MGAM: variants seen among roughly 807,000 people sequenced by gnomAD.
MGAM encodes the protein alpha-1,4-glucosidase.
In MGAM, 253 loss-of-function variants were observed where a neutral mutation model predicts 358.8. That is an observed-to-expected ratio of 0.71 (90% confidence interval 0.64 to 0.78). The LOEUF (loss-of-function observed/expected upper bound fraction) is 0.78, where lower values mean the gene tolerates loss of function less well. Ranked by LOEUF, MGAM falls within the 30% of genes least tolerant of loss-of-function variation. MGAM has a pLI of 0.00. For synonymous variants in MGAM, 1,105 were observed against 1,227.1 expected, an observed-to-expected ratio of 0.90 and a Z score of 2.08; for missense variants, 3,080 against 3,432.6, an observed-to-expected ratio of 0.90 and a Z score of 2.57.
chr7:141,992,437 T>G (rs1803988140), upstream of MGAM, among the ~76,000 whole-genome samples: 1 of 152,170 alleles, frequency 6.6e-6, no homozygotes. Context: ...TAGTGATTTT[T>G]AAAGTTCTTT....
At position 142,074,355 on chromosome 7, in the gene MGAM, GA is replaced by G. The variant is rs1293443753; in HGVS notation, c.5275+187del. On this transcript the variant is annotated intron_variant, in intron 45 of 70. Transcript: ENST00000475668. ...AGTGGTGGACGAACTACTGACGAAAGAAAAATGCATTTGTATCTCTGACAGT... is the reference window on the plus strand; with the variant it reads ...AGTGGTGGACGAACTACTGACGAAAGAAAATGCATTTGTATCTCTGACAGT... Among the ~76,000 whole-genome samples, 3 of 146,036 alleles carry G rather than the reference GA, an allele frequency of 2.1e-5. 1 individual carries two copies. Among genetic ancestry groups the G allele is most frequent in the Non-Finnish European group, 3.1e-5 (2 of 64,512 alleles).
chr7:142,050,265 G>T lies in MGAM; in HGVS notation c.2618G>T (p.Cys873Phe). ...GTGGCCAATAAAGTGTATCTTTTAT[G>T]TGAGTTTTCTGTCACTCAAGTGAGT... ...DTVANKVYLL[C>F]EFSVTQNRLE... Residue 873 changes from cysteine (C) to phenylalanine (F), a missense_variant, in exon 23 of 71, where the codon TGT becomes TTT. Physicochemically the swap from Cys to Phe is radical, Grantham distance 205. Around this residue, in one of 5 missense-constraint regions of MGAM, gnomAD observed 1,816 missense variants for 1,840.5 expected, o/e 0.99. Coordinates refer to ENST00000475668, the MANE Select transcript of MGAM (RefSeq NM_001365693.1). 6.2e-7 allele frequency: 1 copy of T among 1,613,750 alleles called. No individual in the cohort carries two copies. Among genetic ancestry groups the T allele is most frequent in the Non-Finnish European group, 8.5e-7 (1 of 1,179,744 alleles).
intron 14 of MGAM, 82 bp downstream of exon 14, chr7:142,032,991 G>A: frequency 1.1e-6 from 1 of 920,058 alleles, no homozygotes; most frequent in Non-Finnish European, 1.6e-6. Flanking sequence ...GAAAAATCTG[G>A]CAAGGGAATT....
chr7:141,998,275 C>T (rs1469875083), intron 1 of MGAM, among the ~76,000 whole-genome samples: 1 of 152,102 alleles, frequency 6.6e-6, no homozygotes. Context: ...TTCTGGAATA[C>T]ATGTGCAGAA....
At chr7:142,051,976 T>A (rs116485342) in intron 24 of MGAM, among the ~76,000 whole-genome samples, 2,353 of 152,206 alleles carry the variant, frequency 0.015, 58 homozygotes, top group African/African-American at 0.054. Context: ...TAGGATGACA[T>A]CATGTGTCAT....
intron 57 of MGAM, among the ~76,000 whole-genome samples, chr7:142,089,159 G>A (rs1362425182): frequency 6.9e-6 from 1 of 145,728 alleles, no homozygotes; most frequent in East Asian, 2.0e-4. Flanking sequence ...AGAAGTTCTG[G>A]GTCATGGGCT....
intron 1 of MGAM, among the ~76,000 whole-genome samples, chr7:141,997,088 A>T (rs1403177889): frequency 1.3e-5 from 2 of 152,176 alleles, no homozygotes; most frequent in Non-Finnish European, 2.9e-5. Flanking sequence ...TTCTTTTCTG[A>T]CTGGTTACAG....
chr7:142,060,436 G>T, intron 34 of MGAM, 63 bp downstream of exon 34: 1 of 1,567,356 alleles, frequency 6.4e-7, no homozygotes, highest in South Asian at 1.1e-5. Flanking sequence ...GCTGTTCCTG[G>T]GATTGTGGAC....
rs377597523 is a variant in MGAM at position 142,065,632 on chromosome 7, C to A, written c.4653+10C>A. On this transcript the variant is annotated intron_variant, in intron 39 of 70. Transcript: ENST00000475668. ...CTTTGGCATATCCTATGTGAGTGTC[C>A]TTGGGATCCTCCTAAGCACCAAGAA... 1.2e-6 allele frequency: 2 copies of A among 1,613,280 alleles called. No individual in the cohort carries two copies. Among genetic ancestry groups the A allele is most frequent in the Non-Finnish European group, 1.7e-6 (2 of 1,179,754 alleles).
At chr7:142,044,055 A>G (rs186588350) in intron 21 of MGAM, among the ~76,000 whole-genome samples, 9 of 135,336 alleles carry the variant, frequency 6.7e-5, no homozygotes, top group African/African-American at 2.4e-4. Flanking sequence ...TATACATTAT[A>G]TACACATACG....
At position 142,045,848 on chromosome 7, in the gene MGAM, GTAATATATATATTATA is replaced by G. The variant is rs1563159580; in HGVS notation, c.2499-1934_2499-1919del. Among the ~76,000 whole-genome samples the G allele has an allele frequency of 1.6e-3, 181 of 115,402 alleles. 7 individuals are homozygous for G. The highest frequency in any genetic ancestry group is 6.4e-3 in the African/African-American group (178 of 27,634). 75.7% of individuals were successfully genotyped at this position (115,402 alleles called of 152,430 possible). A position where few individuals can be genotyped will look rare whatever the true frequency, so the allele number is the denominator to read the frequency against. On this transcript the variant is annotated intron_variant, in intron 21 of 70. Coordinates refer to ENST00000475668, the MANE Select transcript of MGAM (RefSeq NM_001365693.1). ...TATATATTATATATACATACAATAT[GTAATATATATATTATA>G]TATACATACAATATGTAATATATAT...
rs541968729 is a variant in MGAM at position 142,056,962 on chromosome 7, T to C, written c.3693+20T>C. The C allele has an allele frequency of 4.2e-5, 68 of 1,610,972 alleles. 2 individuals carry two copies. The South Asian group carries it at 7.0e-4, about 17-fold the overall frequency. On this transcript the variant is annotated intron_variant, in intron 30 of 70. Coordinates refer to ENST00000475668, the MANE Select transcript of MGAM (RefSeq NM_001365693.1). ...ACTGAGGTAGGGGGAAATCCAATTG[T>C]TTATCAAGTACTTACACAGCACATT...
chr7:141,986,703 CTATTA>C (rs1554446287), intron 2 of MGAM, among the ~76,000 whole-genome samples: 2 of 152,132 alleles, frequency 1.3e-5, no homozygotes, highest in South Asian at 2.1e-4. Context: ...CATTTGCATA[CTATTA>C]TATTATACTG....
intron 34 of MGAM, among the ~76,000 whole-genome samples, chr7:142,061,731 T>C (rs1391354489): frequency 1.3e-5 from 2 of 152,172 alleles, no homozygotes; most frequent in Admixed American, 1.3e-4. Context: ...TAATGTTCTA[T>C]AACAAACAAC....
rs1807049229 is a variant in MGAM at position 142,027,123 on chromosome 7, C to T, written c.991C>T (p.Leu331Phe). ...ATTTTTAACCTTTCAAGAGGTTGTC[C>T]TTCAGCCTGCGCCAGCCATCACTTA... ...LMNSNAMEVVLQPAPAITYRT... is the reference protein window; with the variant it reads ...LMNSNAMEVVFQPAPAITYRT... The change falls in exon 9 of 71, where the codon CTT (leucine) becomes TTT (phenylalanine). Residue 331 changes from leucine (L) to phenylalanine (F), a missense_variant. Leu to Phe is a conservative substitution (Grantham distance 22). This residue lies in a region of MGAM where 1,816 missense variants were observed against 1,840.5 expected (regional missense o/e 0.99). Coordinates refer to ENST00000475668, the MANE Select transcript of MGAM (RefSeq NM_001365693.1). The T allele has an allele frequency of 1.2e-6, 2 of 1,612,298 alleles. No homozygotes were observed. The highest frequency in any genetic ancestry group is 8.5e-7 in the Non-Finnish European group (1 of 1,178,672).
At chr7:142,040,284 G>A (rs1445129361) in intron 20 of MGAM, 113 bp downstream of exon 20, 10 of 834,014 alleles carry the variant, frequency 1.2e-5, no homozygotes, top group Non-Finnish European at 1.9e-5. Context: ...GTAGTTTTTA[G>A]TGTTTTCTGT....
intron 41 of MGAM, 134 bp from the exon 42 acceptor site, chr7:142,067,207 A>G (rs1374602902): frequency 1.2e-6 from 1 of 826,388 alleles, no homozygotes; most frequent in African/African-American, 1.6e-5. Flanking sequence ...TGATGAAGCT[A>G]GGCCTAGGAA....
In MGAM at chr7:142,093,476, C is replaced by T. The variant is rs1300341961; in HGVS notation, c.7098C>T (p.Leu2366=). 4 of 1,528,356 alleles carry T rather than the reference C, an allele frequency of 2.6e-6. 1 individual carries two copies. The highest frequency in any genetic ancestry group is 4.7e-5 in the East Asian group (2 of 42,496). The allele number at this position is 1,528,356 out of a possible 1,614,324, so 94.7% of individuals were successfully genotyped here. A position where few individuals can be genotyped will look rare whatever the true frequency, so the allele number is the denominator to read the frequency against. The change falls in exon 60 of 71, where the codon CTC becomes CTT. Residue 2366 remains leucine, a synonymous_variant. Transcript: ENST00000475668. ...KTLCMESQQI[L]PDGSPVQHYN... ...TGTGCATGGAGAGTCAGCAGATCCT[C>T]CCAGACGGCTCCCCGGTGCAGCACT... is the stretch of plus-strand genomic sequence containing the variant.
intron 26 of MGAM, 141 bp from the exon 27 acceptor site, chr7:142,054,613 T>C: frequency 2.1e-6 from 2 of 942,168 alleles, no homozygotes; most frequent in Non-Finnish European, 3.1e-6. Context: ...TGTTATCTGA[T>C]ATATTAATTA....
Sources: gnomAD v4.1 joint callset for allele counts (sites outside exome capture counted in the v4.1 genomes callset) on GRCh38, gnomAD v4.1.1 for gene constraint, gnomAD v4.1.1 regional missense constraint, MANE v1.5 for transcripts, NCBI Gene and HGNC (gene_info 2026-07-23, HGNC 2026-07-21) for gene names.